NFKBIB: variants seen among roughly 807,000 people sequenced by gnomAD.
NFKBIB encodes the protein NF-kappa-B inhibitor beta.
NFKBIB carries 16 observed loss-of-function variants against 32.1 expected under a neutral mutation model. The ratio of observed to expected loss-of-function variants is 0.50; its 90% CI spans 0.34 to 0.76. The LOEUF is 0.76. NFKBIB is among the 30% of genes least tolerant of loss of function. NFKBIB has a pLI of 0.01. For synonymous variants in NFKBIB, 222 were observed against 219.5 expected, an observed-to-expected ratio of 1.01 and a Z score of -0.10; for missense variants, 437 against 514.9, an observed-to-expected ratio of 0.85 and a Z score of 1.46.
chr19:38,901,027 T>G (rs113055550), intron 1 of NFKBIB, among the ~76,000 whole-genome samples: 1,896 of 151,972 alleles, frequency 0.012, 44 homozygotes, highest in African/African-American at 0.044. Context: ...TGGAGAAAAA[T>G]AAAGCAGGAA....
chr19:38,908,837 T>C lies in NFKBIB; in HGVS notation c.*5T>C, dbSNP rs1300013390. On this transcript the variant is annotated 3_prime_UTR_variant, in exon 6 of 6. Coordinates refer to ENST00000313582, the MANE Select transcript of NFKBIB (RefSeq NM_002503.5). ...GACGACCCCCGCCCCGTGTGATTTG[T>C]TTCATTGTTAATATAATTTCCAGTT... 9 of 1,610,454 alleles carry C rather than the reference T, an allele frequency of 5.6e-6. No homozygotes were observed. The highest frequency in any genetic ancestry group is 6.8e-6 in the Non-Finnish European group (8 of 1,179,090).
chr19:38,907,172 T>C, intron 3 of NFKBIB, 49 bp from the exon 4 acceptor site: 1 of 1,505,534 alleles, frequency 6.6e-7, no homozygotes. Context: ...CACGGTGGGG[T>C]GGGGGGGGCC....
intron 1 of NFKBIB, among the ~76,000 whole-genome samples, chr19:38,903,679 T>G (rs969558660): frequency 2.0e-5 from 3 of 152,208 alleles, no homozygotes; most frequent in African/African-American, 7.2e-5. Context: ...CTATTATGGA[T>G]CATGTTTTCC....
intron 1 of NFKBIB, among the ~76,000 whole-genome samples, chr19:38,902,900 C>A (rs1974011509): frequency 3.9e-5 from 6 of 152,050 alleles, no homozygotes; most frequent in Admixed American, 3.9e-4. Context: ...ATGGTGAAAC[C>A]TTGTCTCTAC....
Position 38,900,399 on chromosome 19 carries a change from C to G in NFKBIB, c.179+188C>G, listed in dbSNP as rs186176204. ...ATCTTCTATCTAGCTATGATCCTAA[C>G]CCAATCATTTCTTACCTTCTTTTCT... On this transcript the variant is annotated intron_variant, in intron 1 of 5. Coordinates refer to ENST00000313582, the MANE Select transcript of NFKBIB (RefSeq NM_002503.5). 3.3e-5 allele frequency among the ~76,000 whole-genome samples: 5 copies of G among 152,318 alleles called. No individual in the cohort carries two copies. The East Asian group carries it at 7.7e-4, about 23-fold the overall frequency.
In NFKBIB at chr19:38,907,485, G is replaced by A. The variant is rs760175644; in HGVS notation, c.795G>A (p.Ala265=). 3.7e-6 allele frequency: 6 copies of A among 1,612,192 alleles called. No individual in the cohort carries two copies. Among genetic ancestry groups the A allele is most frequent in the South Asian group, 2.2e-5 (2 of 91,050 alleles). Residue 265 remains alanine, a synonymous_variant, in exon 5 of 6, where the codon GCG becomes GCA. Coordinates refer to ENST00000313582, the MANE Select transcript of NFKBIB (RefSeq NM_002503.5). ...DVLELLLRAG[A]NPAARMYGGR... ...TGGAGCTTCTCCTGAGGGCAGGCGCGAACCCTGCTGCCCGCATGTACGGTG... is the reference window on the plus strand; with the variant it reads ...TGGAGCTTCTCCTGAGGGCAGGCGCAAACCCTGCTGCCCGCATGTACGGTG...
chr19:38,899,831 G>T (rs1414132508), upstream of NFKBIB: 2 of 702,710 alleles, frequency 2.8e-6, no homozygotes, highest in Non-Finnish European at 4.7e-6. Flanking sequence ...ATGTGGGAAC[G>T]GCTAGAGAGT....
Position 38,905,594 on chromosome 19 carries a change from T to G in NFKBIB, c.619+59T>G. 2.2e-6 allele frequency: 3 copies of G among 1,346,998 alleles called. No individual in the cohort carries two copies. Among genetic ancestry groups the G allele is most frequent in the Non-Finnish European group, 3.1e-6 (3 of 978,324 alleles). The allele number at this position is 1,346,998 out of a possible 1,614,324, so 83.4% of individuals were successfully genotyped here. ...TGGGCTAGGCGAGAGCACCTGGCCC[T>G]GGGCTCAGCTTCCCTGATTTGAGAC... On this transcript the variant is annotated intron_variant, in intron 3 of 5. Transcript: ENST00000313582. This position sits in a 1 kb window ranked among gnomAD's most constrained non-coding sequence, Gnocchi z 5.5.
At chr19:38,902,085 C>CTTTTTTT (rs74176475) in intron 1 of NFKBIB, among the ~76,000 whole-genome samples, 1 of 92,368 alleles carries the variant, frequency 1.1e-5, no homozygotes, top group African/African-American at 3.9e-5. Flanking sequence ...CATTTTATTT[C>CTTTTTTT]TTTTTTTTTT....
rs1455384085 is a variant in NFKBIB at position 38,905,661 on chromosome 19, AC to A, written c.619+127del. ...TCATGCCTAGGCTTCAGGAGCCCAC[AC>A]ATCGGGACCAGGGACCTCCACTCAG... On this transcript the variant is annotated intron_variant, in intron 3 of 5. Coordinates refer to ENST00000313582, the MANE Select transcript of NFKBIB (RefSeq NM_002503.5). This position sits in a 1 kb window ranked among gnomAD's most constrained non-coding sequence, Gnocchi z 5.5. 17 of 699,282 alleles carry A rather than the reference AC, an allele frequency of 2.4e-5. No individual in the cohort carries two copies. The highest frequency in any genetic ancestry group is 4.0e-5 in the Non-Finnish European group (17 of 424,976). The allele number at this position is 699,282 out of a possible 1,614,324, so 43.3% of individuals were successfully genotyped here. A position where few individuals can be genotyped will look rare whatever the true frequency, so the allele number is the denominator to read the frequency against.
chr19:38,907,341 G>A, intron 4 of NFKBIB, 32 bp downstream of exon 4: 1 of 1,605,674 alleles, frequency 6.2e-7, no homozygotes. Context: ...GATGCCGTCG[G>A]CGGGAGGGGG....
chr19:38,900,159 G>T lies in NFKBIB; in HGVS notation c.127G>T (p.Gly43Trp). The change falls in exon 1 of 6, where the codon GGG becomes TGG. Residue 43 changes from glycine to tryptophan, a missense_variant. Gly to Trp is a radical substitution (Grantham distance 184). Transcript: ENST00000313582. ...GPGLGAELGP[G>W]LSWAPLVFGY... The stretch of plus-strand genomic sequence containing the variant: ...TGGGTTGGGCGCGGAGTTGGGCCCG[G>T]GGCTGTCGTGGGCTCCCCTCGTCTT... 1 of 1,601,548 alleles carries T rather than the reference G, an allele frequency of 6.2e-7. No homozygotes were observed. Among genetic ancestry groups the T allele is most frequent in the Non-Finnish European group, 8.5e-7 (1 of 1,176,086 alleles).
intron 3 of NFKBIB, 138 bp from the exon 4 acceptor site, chr19:38,907,081 CTT>C: frequency 5.3e-6 from 4 of 758,774 alleles, no homozygotes; most frequent in South Asian, 1.8e-5. Flanking sequence ...CCAGGTACCT[CTT>C]TGCCATACCC....
chr19:38,904,956 C>A, intron 1 of NFKBIB, 59 bp from the exon 2 acceptor site: 1 of 1,527,548 alleles, frequency 6.5e-7, no homozygotes, highest in South Asian at 1.2e-5. Context: ...CATGTTTGTT[C>A]AATGAAGGAA....
upstream of NFKBIB, chr19:38,899,752 G>T: frequency 5.6e-6 from 4 of 711,578 alleles, no homozygotes; most frequent in Non-Finnish European, 9.6e-6. Flanking sequence ...AAGAAAGCGC[G>T]CGAGGACCGG....
intron 1 of NFKBIB, among the ~76,000 whole-genome samples, chr19:38,902,225 C>T (rs1337291878): frequency 6.6e-6 from 1 of 151,854 alleles, no homozygotes; most frequent in Admixed American, 6.6e-5. Flanking sequence ...GGACTACAGG[C>T]ACCTGCCACT....
intron 5 of NFKBIB, chr19:38,908,376 T>C (rs1214426519): frequency 3.7e-6 from 3 of 806,920 alleles, no homozygotes; most frequent in Non-Finnish European, 4.6e-6. Flanking sequence ...CTGTCTCTAC[T>C]AAAAATACAA....
In NFKBIB at chr19:38,903,275, ATTTAT is replaced by A. The variant is rs200253341; in HGVS notation, c.180-1728_180-1724del. 7.4e-3 allele frequency among the ~76,000 whole-genome samples: 1,123 copies of A among 151,880 alleles called. 18 individuals carry two copies. The highest frequency in any genetic ancestry group is 0.026 in the African/African-American group (1,079 of 41,408). ...TGCCATTTCACATAGAGTAAAAGAA[ATTTAT>A]TTTATTTTATTATTATTATTTGAGA... On this transcript the variant is annotated intron_variant, in intron 1 of 5. Transcript: ENST00000313582.
intron 5 of NFKBIB, chr19:38,908,469 G>A (rs1974219005): frequency 1.9e-6 from 2 of 1,038,678 alleles, no homozygotes; most frequent in Admixed American, 4.5e-5. Flanking sequence ...AACCTGGGAG[G>A]TGGAGGTTGC....
Sources: gnomAD v4.1 joint callset for allele counts (sites outside exome capture counted in the v4.1 genomes callset) on GRCh38, gnomAD v4.1.1 for gene constraint, Gnocchi (gnomAD v3.1) non-coding constraint, MANE v1.5 for transcripts, NCBI Gene and HGNC (gene_info 2026-07-23, HGNC 2026-07-21) for gene names.